The following NEK11 variants were observed in gnomAD, a reference collection of about 807,000 sequenced individuals.
NEK11 encodes serine/threonine-protein kinase Nek11.
A neutral mutation model predicts 80.7 loss-of-function variants in NEK11; 72 were observed. That is an observed-to-expected ratio of 0.89 (90% CI 0.74 to 1.08). The LOEUF (loss-of-function observed/expected upper bound fraction) is 1.08, where lower values mean the gene tolerates loss of function less well. NEK11 is among the 50% of genes least tolerant of loss of function. The probability of loss-of-function intolerance (pLI) is 0.00; values close to 1 mark genes in which losing one functional copy is unlikely to be tolerated. For missense variants in NEK11, 764 were observed against 763.6 expected (o/e 1.00, Z -0.01); for synonymous variants, 251 against 260.7 (o/e 0.96, Z 0.36).
chr3:131,340,331 T>G (rs1185378533), intron 17 of NEK11, among the ~76,000 whole-genome samples: 2 of 152,168 alleles, frequency 1.3e-5, no homozygotes, highest in Non-Finnish European at 1.5e-5. Context: ...TAAAATAATA[T>G]TTAAAATATG....
At chr3:131,067,174 G>A (rs929318786) in intron 3 of NEK11, among the ~76,000 whole-genome samples, 2 of 152,092 alleles carry the variant, frequency 1.3e-5, no homozygotes, top group African/African-American at 4.8e-5. Flanking sequence ...GTTTCTTATA[G>A]CTTTTAATTA....
intron 17 of NEK11, among the ~76,000 whole-genome samples, chr3:131,296,500 C>G (rs2096594610): frequency 6.6e-6 from 1 of 152,128 alleles, no homozygotes; most frequent in African/African-American, 2.4e-5. Context: ...CTCCTAGCAA[C>G]AAATTCCCTC....
At chr3:131,346,283 C>T (rs1168900750) in intron 17 of NEK11, among the ~76,000 whole-genome samples, 1 of 152,062 alleles carries the variant, frequency 6.6e-6, no homozygotes, top group Non-Finnish European at 1.5e-5. Flanking sequence ...TATCCCAAAA[C>T]ATCATGTTGT....
At chr3:131,229,650 T>G (rs2095289893) in intron 15 of NEK11, among the ~76,000 whole-genome samples, 1 of 152,056 alleles carries the variant, frequency 6.6e-6, no homozygotes, top group South Asian at 2.1e-4. Context: ...CATTCAACCA[T>G]TTTAATAAAG....
At chr3:131,121,072 A>G (rs2082296908) in intron 5 of NEK11, among the ~76,000 whole-genome samples, 1 of 152,224 alleles carries the variant, frequency 6.6e-6, no homozygotes, top group African/African-American at 2.4e-5. Context: ...TCTGATTTTT[A>G]GAATTTTCAG....
In NEK11 at chr3:131,350,282, C is replaced by T. The variant is rs1386982446; in HGVS notation, c.*506C>T. ...TGTTTTTGGTCCACTTTTGCCCTTCCATGACTAATAAGGAAGATATGTGTG... is the reference window on the plus strand; with the variant it reads ...TGTTTTTGGTCCACTTTTGCCCTTCTATGACTAATAAGGAAGATATGTGTG... On this transcript the variant is annotated 3_prime_UTR_variant, in exon 18 of 18. Coordinates refer to ENST00000383366, the MANE Select transcript of NEK11 (RefSeq NM_024800.5). The T allele has an allele frequency of 6.5e-6, 1 of 154,568 alleles. No homozygotes were observed. The highest frequency in any genetic ancestry group is 2.4e-5 in the African/African-American group (1 of 41,376). The allele number at this position is 154,568 out of a possible 1,614,324, so 9.6% of individuals were successfully genotyped here. A position where few individuals can be genotyped will look rare whatever the true frequency, so the allele number is the denominator to read the frequency against.
At chr3:131,334,552 A>G (rs2097149577) in intron 17 of NEK11, among the ~76,000 whole-genome samples, 1 of 150,744 alleles carries the variant, frequency 6.6e-6, no homozygotes, top group Non-Finnish European at 1.5e-5. Flanking sequence ...ATCACAATTA[A>G]AAGAACTAGA....
intron 16 of NEK11, among the ~76,000 whole-genome samples, chr3:131,257,951 A>G (rs1353410712): frequency 6.6e-6 from 1 of 151,800 alleles, no homozygotes; most frequent in East Asian, 1.9e-4. Context: ...AAAATGTGGT[A>G]TATATATATA....
chr3:131,232,228 C>T (rs1231427224), intron 15 of NEK11, among the ~76,000 whole-genome samples: 1 of 152,104 alleles, frequency 6.6e-6, no homozygotes, highest in Non-Finnish European at 1.5e-5. Context: ...TTATAGCTGC[C>T]GTCATAACAG....
intron 14 of NEK11, among the ~76,000 whole-genome samples, chr3:131,204,863 C>G (rs1298937647): frequency 6.6e-6 from 1 of 151,998 alleles, no homozygotes; most frequent in Non-Finnish European, 1.5e-5. Context: ...TCAAAGTGCT[C>G]TGAGAGAATC....
intron 17 of NEK11, among the ~76,000 whole-genome samples, chr3:131,319,392 A>T (rs1345730095): frequency 6.6e-6 from 1 of 152,182 alleles, no homozygotes; most frequent in Non-Finnish European, 1.5e-5. Context: ...TTGGGCTGGT[A>T]TGGGAAAAAC....
At chr3:131,299,857 T>C (rs1396592287) in intron 17 of NEK11, among the ~76,000 whole-genome samples, 2 of 152,246 alleles carry the variant, frequency 1.3e-5, no homozygotes, top group African/African-American at 4.8e-5. Context: ...CTTGTCTTTA[T>C]CGTAGAATGA....
intron 17 of NEK11, among the ~76,000 whole-genome samples, chr3:131,304,343 G>T (rs2096698743): frequency 6.6e-6 from 1 of 152,124 alleles, no homozygotes. Flanking sequence ...CTTGGATTGG[G>T]TTTTGACTTT....
intron 15 of NEK11, among the ~76,000 whole-genome samples, chr3:131,234,518 C>T (rs1001783531): frequency 2.6e-5 from 4 of 152,194 alleles, no homozygotes; most frequent in African/African-American, 9.6e-5. Context: ...AGCCTTGCTA[C>T]AGTGTTAGTG....
chr3:131,133,544 A>G (rs1161769108), intron 6 of NEK11, among the ~76,000 whole-genome samples: 2 of 152,188 alleles, frequency 1.3e-5, no homozygotes, highest in East Asian at 3.9e-4. Context: ...GACTTTAAAT[A>G]GCTTTTTATA....
At chr3:131,276,671 T>G (rs990172144) in intron 17 of NEK11, among the ~76,000 whole-genome samples, 2 of 152,026 alleles carry the variant, frequency 1.3e-5, no homozygotes, top group African/African-American at 4.8e-5. Flanking sequence ...TGAGAATAGA[T>G]TCCATGCTTC....
chr3:131,258,759 A>G (rs1047989419), intron 16 of NEK11, among the ~76,000 whole-genome samples: 7 of 152,056 alleles, frequency 4.6e-5, no homozygotes, highest in Non-Finnish European at 7.3e-5. Context: ...GTGTGAAATA[A>G]CCATAATAAA....
intron 15 of NEK11, among the ~76,000 whole-genome samples, chr3:131,232,341 T>C (rs1489154396): frequency 6.6e-6 from 1 of 152,222 alleles, no homozygotes; most frequent in Non-Finnish European, 1.5e-5. Flanking sequence ...CACAGACTCT[T>C]CTGTCTTTCC....
chr3:131,349,411 G>C, intron 17 of NEK11, 146 bp from the exon 18 acceptor site: 1 of 636,274 alleles, frequency 1.6e-6, no homozygotes, highest in South Asian at 2.0e-5. Context: ...TAAATGTTTA[G>C]GGTGGAGATA....
Sources: gnomAD v4.1 joint callset for allele counts (sites outside exome capture counted in the v4.1 genomes callset) on GRCh38, gnomAD v4.1.1 for gene constraint, MANE v1.5 for transcripts, NCBI Gene and HGNC (gene_info 2026-07-23, HGNC 2026-07-21) for gene names.